Variants in LTBP2 observed in about 807,000 individuals in gnomAD.
LTBP2 encodes latent transforming growth factor beta binding protein 2.
LTBP2 carries 103 observed loss-of-function variants against 210.6 expected under a neutral mutation model. The observed-to-expected ratio is 0.49, with a 90% CI of 0.42 to 0.58. The LOEUF (loss-of-function observed/expected upper bound fraction) is 0.58. LTBP2 is among the 20% of genes least tolerant of loss of function. The probability of loss-of-function intolerance (pLI) is 0.00; values close to 1 mark genes in which losing one functional copy is unlikely to be tolerated. For missense variants in LTBP2, 2,313 were observed against 2,494.5 expected (o/e 0.93, Z 1.55); for synonymous variants, 1,007 against 1,015.0 (o/e 0.99, Z 0.15).
chr14:74,573,653 C>T (rs1566645356), intron 3 of LTBP2, among the ~76,000 whole-genome samples: 1 of 152,206 alleles, frequency 6.6e-6, no homozygotes, highest in Non-Finnish European at 1.5e-5. Context: ...TACGTAACTA[C>T]CCTGGGATAC....
chr14:74,521,641 C>T (rs146190354), intron 17 of LTBP2, among the ~76,000 whole-genome samples: 22 of 152,338 alleles, frequency 1.4e-4, no homozygotes, highest in Middle Eastern at 3.4e-3. Context: ...AGCCATGTCT[C>T]CTGACCCTGT....
chr14:74,501,303 T>C (rs900395083), intron 35 of LTBP2, 138 bp downstream of exon 35: 28 of 1,370,782 alleles, frequency 2.0e-5, no homozygotes, highest in Non-Finnish European at 2.7e-5. Context: ...TAAACCTTCC[T>C]TTGGCGCTTT....
At chr14:74,604,792 T>C (rs886415983) in intron 1 of LTBP2, among the ~76,000 whole-genome samples, 10 of 151,900 alleles carry the variant, frequency 6.6e-5, no homozygotes, top group Non-Finnish European at 1.5e-4. Context: ...CGCCCAGCCC[T>C]TCAGCTACTC....
chr14:74,535,770 A>G (rs1387715070), intron 9 of LTBP2, among the ~76,000 whole-genome samples, 156 bp downstream of exon 9: 1 of 152,012 alleles, frequency 6.6e-6, no homozygotes, highest in Non-Finnish European at 1.5e-5. Flanking sequence ...GGATTTCCTT[A>G]GTCCCCTGGA....
chr14:74,583,813 C>T (rs1211718370), intron 3 of LTBP2, among the ~76,000 whole-genome samples: 4 of 152,210 alleles, frequency 2.6e-5, no homozygotes, highest in African/African-American at 9.7e-5. Context: ...GAACACAGTC[C>T]CTGTGAGCTC....
chr14:74,586,372 C>A lies in LTBP2; in HGVS notation c.566-254G>T, dbSNP rs1425990193. ...GCCAGCTGCAGAGTGGCTCACACCA[C>A]CACGTCCCACAGCACACCCTGAAGA... is the stretch of plus-strand genomic sequence containing the variant. On this transcript the variant is annotated intron_variant, in intron 2 of 35. Transcript: ENST00000261978. The surrounding 1 kb of genome is among the most constrained non-coding windows in gnomAD (Gnocchi z 4.6). Among the ~76,000 whole-genome samples the A allele has an allele frequency of 6.6e-6, 1 of 152,180 alleles. No homozygotes were observed. Among genetic ancestry groups the A allele is most frequent in the East Asian group, 1.9e-4 (1 of 5,190 alleles).
chr14:74,501,842 T>G, intron 34 of LTBP2: 1 of 551,416 alleles, frequency 1.8e-6, no homozygotes, highest in Non-Finnish European at 3.3e-6. Context: ...AGGCTGAGAC[T>G]CGCTGCTTCC....
chr14:74,552,187 C>T lies in LTBP2; in HGVS notation c.1399G>A (p.Ala467Thr). 6.2e-7 allele frequency: 1 copy of T among 1,601,576 alleles called. No individual in the cohort carries two copies. The change falls in exon 6 of 36, where the codon GCC (alanine) becomes ACC (threonine). Residue 467 changes from alanine to threonine, a missense_variant and splice_region_variant. Coordinates refer to ENST00000261978, the MANE Select transcript of LTBP2 (RefSeq NM_000428.3). ...TFTLPLSNQLASVNPSLVKVH... is the reference protein window; with the variant it reads ...TFTLPLSNQLTSVNPSLVKVH... ...CCGGCCCAGCTGTGCCGGCACTCAC[C>T]CAGCTGGTTGGAGAGCGGCAGTGTG... is the stretch of plus-strand genomic sequence containing the variant.
chr14:74,592,242 G>A (rs899049996), intron 2 of LTBP2, among the ~76,000 whole-genome samples: 3 of 152,228 alleles, frequency 2.0e-5, no homozygotes, highest in Non-Finnish European at 2.9e-5. Context: ...AGAAGGAAAC[G>A]CTGAGGTCCC....
chr14:74,550,994 GAGA>G, intron 7 of LTBP2, 67 bp downstream of exon 7: 2 of 1,568,084 alleles, frequency 1.3e-6, no homozygotes, highest in South Asian at 2.2e-5. Flanking sequence ...CAGAGAGGAG[GAGA>G]AGGGCAGACT....
chr14:74,608,166 C>T (rs926319042), intron 1 of LTBP2, among the ~76,000 whole-genome samples: 8 of 150,536 alleles, frequency 5.3e-5, no homozygotes, highest in East Asian at 3.9e-4. Flanking sequence ...ATGATCCACC[C>T]GCCTCAGCCT....
At chr14:74,603,501 A>C (rs924622745) in intron 2 of LTBP2, 134 bp downstream of exon 2, 2 of 858,360 alleles carry the variant, frequency 2.3e-6, no homozygotes, top group African/African-American at 3.3e-5. Flanking sequence ...CTGCATCTTC[A>C]GGACGCAGAC....
intron 3 of LTBP2, among the ~76,000 whole-genome samples, chr14:74,567,783 T>A (rs28507674): frequency 0.015 from 2,242 of 152,104 alleles, 68 homozygotes; most frequent in African/African-American, 0.052. Flanking sequence ...TTCAGACTTC[T>A]CCATGGCTTC....
chr14:74,571,660 C>T (rs1315589326), intron 3 of LTBP2, among the ~76,000 whole-genome samples: 1 of 152,170 alleles, frequency 6.6e-6, no homozygotes, highest in African/African-American at 2.4e-5. Context: ...AATTTTTCTC[C>T]CCTGGAAGGG....
chr14:74,558,980 G>A (rs748716241), intron 3 of LTBP2, among the ~76,000 whole-genome samples: 3 of 152,180 alleles, frequency 2.0e-5, no homozygotes, highest in Non-Finnish European at 2.9e-5. Context: ...GAATAGCAAT[G>A]CCCACCTCAT....
chr14:74,588,347 G>A (rs193165794), intron 2 of LTBP2, among the ~76,000 whole-genome samples: 5 of 151,992 alleles, frequency 3.3e-5, no homozygotes, highest in Non-Finnish European at 5.9e-5. Context: ...TCAGCCTCCC[G>A]AGTAGCTGGG....
intron 2 of LTBP2, among the ~76,000 whole-genome samples, chr14:74,588,925 A>G (rs926200284): frequency 6.6e-6 from 1 of 152,094 alleles, no homozygotes; most frequent in African/African-American, 2.4e-5. Context: ...GACTCCCAGA[A>G]GGGTGGGCAT....
intron 3 of LTBP2, among the ~76,000 whole-genome samples, chr14:74,556,212 G>A (rs2087726760): frequency 6.6e-6 from 1 of 152,134 alleles, no homozygotes; most frequent in Non-Finnish European, 1.5e-5. Flanking sequence ...GATTTTTATT[G>A]TAAGAATAAT....
intron 13 of LTBP2, among the ~76,000 whole-genome samples, chr14:74,526,542 CCAGTGGA>C (rs1273709316): frequency 6.6e-6 from 1 of 152,186 alleles, no homozygotes; most frequent in Non-Finnish European, 1.5e-5. Flanking sequence ...CTCAACATAG[CCAGTGGA>C]CAGAATTTGC....
Sources: allele counts gnomAD v4.1 joint callset (sites outside exome capture counted in the v4.1 genomes callset), GRCh38; gene constraint gnomAD v4.1.1; non-coding constraint Gnocchi (gnomAD v3.1); transcripts MANE v1.5; gene names NCBI Gene and HGNC (gene_info 2026-07-23, HGNC 2026-07-21).